Variants in MPP3 observed in about 807,000 individuals in gnomAD.
MPP3 encodes the protein MAGUK p55 scaffold protein 3, also known as MAGUK p55 subfamily member 3.
A neutral mutation model predicts 80.7 loss-of-function variants in MPP3; 48 were observed. The ratio of observed to expected loss-of-function variants is 0.59; its 90% CI spans 0.47 to 0.76. MPP3 has a LOEUF of 0.76. Among genes scored for constraint, MPP3 ranks in the 30% least tolerant of loss-of-function variants. The pLI, the probability that MPP3 is intolerant of heterozygous loss-of-function variation, is 0.00. For missense variants in MPP3, 620 were observed against 763.0 expected (o/e 0.81, Z 2.21); for synonymous variants, 311 against 297.6 (o/e 1.04, Z -0.46).
At chr17:43,823,095 T>C (rs1219032906) in intron 10 of MPP3, among the ~76,000 whole-genome samples, 10 of 152,172 alleles carry the variant, frequency 6.6e-5, no homozygotes, top group Admixed American at 6.5e-4. Flanking sequence ...TTCCCAGTCC[T>C]GTACTGGTAT....
Position 43,825,913 on chromosome 17 carries a change from C to T in MPP3, c.524-72G>A. 8.3e-6 allele frequency: 8 copies of T among 963,670 alleles called. No individual in the cohort carries two copies. In the South Asian group the frequency reaches 1.1e-4, roughly 13 times the overall value. The allele number at this position is 963,670 out of a possible 1,614,324, so 59.7% of individuals were successfully genotyped here. ...CACCCCTCGCTCAGAGCTCCAAGCA[C>T]CACAGGGGCCGGCCTGAGAAGCCCA... On this transcript the variant is annotated intron_variant, in intron 8 of 19. Transcript: ENST00000398389.
chr17:43,820,271 G>A (rs982680398), intron 11 of MPP3, among the ~76,000 whole-genome samples: 9 of 151,970 alleles, frequency 5.9e-5, no homozygotes, highest in African/African-American at 2.2e-4. Flanking sequence ...TTTATATTTT[G>A]TTTATCAGCA....
At chr17:43,827,631 G>GCAAAT in intron 8 of MPP3, 120 bp downstream of exon 8, 1 of 911,142 alleles carries the variant, frequency 1.1e-6, no homozygotes, top group Non-Finnish European at 1.7e-6. Context: ...AGAAAGCAAA[G>GCAAAT]CAAATCCCAA....
intron 8 of MPP3, among the ~76,000 whole-genome samples, chr17:43,826,845 CT>C (rs1022904829): frequency 8.2e-5 from 10 of 121,280 alleles, no homozygotes; most frequent in East Asian, 2.3e-4. Context: ...TTTTTTTTTT[CT>C]TTTTTTTTTG....
chr17:43,801,890 G>T lies in MPP3; in HGVS notation c.1582-13C>A. On this transcript the variant is annotated splice_polypyrimidine_tract_variant and intron_variant, in intron 19 of 19. Coordinates refer to ENST00000398389, the MANE Select transcript of MPP3 (RefSeq NM_001932.6). ...GCTGCTGCTCATCCTGCAAGGAAAG[G>T]GGTGGTAAAAGGAGCAACTGGGTTG... is the stretch of plus-strand genomic sequence containing the variant. 6.2e-7 allele frequency: 1 copy of T among 1,607,812 alleles called. No individual in the cohort carries two copies.
At chr17:43,829,834 A>G in intron 6 of MPP3, 43 bp from the exon 7 acceptor site, 1 of 1,612,330 alleles carries the variant, frequency 6.2e-7, no homozygotes, top group South Asian at 1.1e-5. Flanking sequence ...CCCGCCGCTC[A>G]CAGGGTCAGC....
intron 14 of MPP3, among the ~76,000 whole-genome samples, chr17:43,815,356 A>T (rs1480516863): frequency 2.6e-5 from 4 of 152,130 alleles, no homozygotes; most frequent in Non-Finnish European, 5.9e-5. Flanking sequence ...AAAAAAGTTT[A>T]AAAACTTTTT....
chr17:43,821,486 T>C (rs1177403195), intron 10 of MPP3, among the ~76,000 whole-genome samples: 10 of 152,202 alleles, frequency 6.6e-5, no homozygotes. Context: ...GTTATATAAG[T>C]AATCTAGATG....
At chr17:43,822,479 C>A (rs527760508) in intron 10 of MPP3, among the ~76,000 whole-genome samples, 17 of 152,016 alleles carry the variant, frequency 1.1e-4, no homozygotes, top group South Asian at 4.2e-4. Context: ...GGAAACTCTA[C>A]TATGAAATCA....
chr17:43,821,075 C>T lies in MPP3; in HGVS notation c.685-17G>A. The stretch of plus-strand genomic sequence containing the variant: ...CATGAACACCTGCACAAGGAGGGCT[C>T]TGGTGAGGCGGCCCTTCCCCAAGTG... On this transcript the variant is annotated splice_polypyrimidine_tract_variant and intron_variant, in intron 10 of 19. Coordinates refer to ENST00000398389, the MANE Select transcript of MPP3 (RefSeq NM_001932.6). 6.2e-7 allele frequency: 1 copy of T among 1,612,018 alleles called. No homozygotes were observed. Among genetic ancestry groups the T allele is most frequent in the Admixed American group, 1.7e-5 (1 of 59,822 alleles).
At chr17:43,811,090 A>G in intron 17 of MPP3, 22 bp downstream of exon 17, 1 of 1,599,032 alleles carries the variant, frequency 6.3e-7, no homozygotes, top group Non-Finnish European at 8.6e-7. Context: ...TGGAGGGCCA[A>G]CTGGCCCATC....
chr17:43,822,635 C>G (rs16940243), intron 10 of MPP3, among the ~76,000 whole-genome samples: 40,797 of 124,056 alleles, frequency 0.33, 7,480 homozygotes, highest in African/African-American at 0.56. Context: ...GGCTGCCTCA[C>G]GGAGCTTTCT....
At chr17:43,810,249 G>A (rs1023549333) in intron 18 of MPP3, among the ~76,000 whole-genome samples, 3 of 152,106 alleles carry the variant, frequency 2.0e-5, no homozygotes, top group Non-Finnish European at 4.4e-5. Flanking sequence ...AAAAGACAAG[G>A]TTAAAAAGAT....
In MPP3 at chr17:43,809,617, C is replaced by G. The variant is rs184652107; in HGVS notation, c.1459-539G>C. Among the ~76,000 whole-genome samples, 395 of 152,260 alleles carry G rather than the reference C, an allele frequency of 2.6e-3. 3 individuals are homozygous for G. The highest frequency in any genetic ancestry group is 8.7e-3 in the African/African-American group (360 of 41,536). On this transcript the variant is annotated intron_variant, in intron 18 of 19. Coordinates refer to ENST00000398389, the MANE Select transcript of MPP3 (RefSeq NM_001932.6). ...CTCTTGGGCCAGGTGCGGTGGCTCA[C>G]ACCTGTAATCCCAGCACTTTGGGAG...
chr17:43,811,437 G>C lies in MPP3; in HGVS notation c.1256-232C>G, dbSNP rs1481719761. The C allele has an allele frequency of 1.5e-5, 8 of 525,878 alleles. No individual in the cohort carries two copies. In the Admixed American group the frequency reaches 2.5e-4, roughly 17 times the overall value. 32.6% of individuals were successfully genotyped at this position (525,878 alleles called of 1,614,324 possible). A position where few individuals can be genotyped will look rare whatever the true frequency, so the allele number is the denominator to read the frequency against. On this transcript the variant is annotated intron_variant, in intron 16 of 19. Coordinates refer to ENST00000398389, the MANE Select transcript of MPP3 (RefSeq NM_001932.6). ...AAAGGAGGCTTTTCCTTTTGCAGCT[G>C]AGAAAACTGAGGCACGGAGAGGTTC...
chr17:43,822,081 T>A (rs572038459), intron 10 of MPP3, among the ~76,000 whole-genome samples: 1 of 152,202 alleles, frequency 6.6e-6, no homozygotes, highest in African/African-American at 2.4e-5. Flanking sequence ...GTTCTCTTCC[T>A]CAAAGAGGTT....
At chr17:43,827,923 C>T in intron 7 of MPP3, 91 bp from the exon 8 acceptor site, 1 of 1,180,974 alleles carries the variant, frequency 8.5e-7, no homozygotes, top group Non-Finnish European at 1.3e-6. Flanking sequence ...TCCCCAGTCC[C>T]TCCCTCTGAC....
chr17:43,831,447 G>T, intron 4 of MPP3, 112 bp downstream of exon 4: 2 of 1,295,436 alleles, frequency 1.5e-6, no homozygotes, highest in Non-Finnish European at 2.2e-6. Flanking sequence ...TGTGTAGTGG[G>T]CAAGTGAAGG....
At chr17:43,805,496 T>C (rs1453833528) in intron 19 of MPP3, among the ~76,000 whole-genome samples, 1 of 152,206 alleles carries the variant, frequency 6.6e-6, no homozygotes, top group Non-Finnish European at 1.5e-5. Flanking sequence ...AAAACTTGTA[T>C]ATGAACATTC....
Sources: allele counts gnomAD v4.1 joint callset (sites outside exome capture counted in the v4.1 genomes callset), GRCh38; gene constraint gnomAD v4.1.1; transcripts MANE v1.5; gene names NCBI Gene and HGNC (gene_info 2026-07-23, HGNC 2026-07-21).